The following COL4A6 variants were observed in gnomAD, a reference collection of about 807,000 sequenced individuals.
COL4A6 encodes collagen alpha-6(IV) chain.
Under a neutral mutation model 126.7 loss-of-function variants are expected in COL4A6, and 59 were observed. That is an observed-to-expected ratio of 0.47 (90% confidence interval 0.38 to 0.58). COL4A6 has a LOEUF of 0.58. Ranked by LOEUF, COL4A6 falls within the 20% of genes least tolerant of loss-of-function variation. The probability of loss-of-function intolerance (pLI) is 0.00; values close to 1 mark genes in which losing one functional copy is unlikely to be tolerated. For missense variants in COL4A6, 1,285 were observed against 1,337.3 expected, an observed-to-expected ratio of 0.96 and a Z score of 0.61; for synonymous variants, 547 against 496.6, an observed-to-expected ratio of 1.10 and a Z score of -1.35.
intron 3 of COL4A6, among the ~76,000 whole-genome samples, chrX:108,308,913 A>G (rs1360635073): frequency 8.9e-6 from 1 of 111,856 alleles, no homozygotes; most frequent in African/African-American, 3.3e-5. Flanking sequence ...TTTTACAAAT[A>G]GCAAAAATTT....
chrX:108,197,508 G>A (rs949140534), intron 13 of COL4A6, among the ~76,000 whole-genome samples: 2 of 112,207 alleles, frequency 1.8e-5, no homozygotes, highest in African/African-American at 6.5e-5. Context: ...TATTATGAAA[G>A]TAAAGGAGGC....
At chrX:108,330,193 T>C (rs978860480) in intron 2 of COL4A6, among the ~76,000 whole-genome samples, 2 of 110,667 alleles carry the variant, frequency 1.8e-5, no homozygotes, top group African/African-American at 6.6e-5. Flanking sequence ...GCAGAGAAAG[T>C]AGGGCTCAAA....
intron 3 of COL4A6, among the ~76,000 whole-genome samples, chrX:108,248,687 G>A (rs1398207477): frequency 9.0e-6 from 1 of 110,868 alleles, no homozygotes; most frequent in African/African-American, 3.3e-5. Context: ...CTCATTAAAA[G>A]AAGACATAAC....
intron 2 of COL4A6, among the ~76,000 whole-genome samples, chrX:108,426,295 T>C (rs1333111150): frequency 1.8e-5 from 2 of 111,997 alleles, no homozygotes; most frequent in African/African-American, 6.5e-5. Flanking sequence ...CAATTCAGCC[T>C]CAGAGCCAGA....
At chrX:108,317,443 C>T (rs905141976) in intron 2 of COL4A6, among the ~76,000 whole-genome samples, 1 of 112,193 alleles carries the variant, frequency 8.9e-6, no homozygotes, top group African/African-American at 3.2e-5. Context: ...GACTTGACTA[C>T]GTTGTGGTAA....
At chrX:108,225,387 A>G (rs957072020) in intron 3 of COL4A6, among the ~76,000 whole-genome samples, 4 of 113,090 alleles carry the variant, frequency 3.5e-5, no homozygotes, top group African/African-American at 1.3e-4. Context: ...CTGTTCTGAT[A>G]CATGTCATTT....
At chrX:108,229,872 G>T (rs1427519165) in intron 3 of COL4A6, among the ~76,000 whole-genome samples, 3 of 111,950 alleles carry the variant, frequency 2.7e-5, no homozygotes, top group Admixed American at 9.5e-5. Flanking sequence ...GAGAAATAAT[G>T]GTGACATGGA....
intron 26 of COL4A6, 55 bp downstream of exon 26, chrX:108,179,162 G>A (rs1451864558): frequency 1.4e-5 from 15 of 1,067,546 alleles, no homozygotes; most frequent in East Asian, 6.1e-5. Flanking sequence ...GGAAGTATAC[G>A]AATTAATATA....
intron 3 of COL4A6, among the ~76,000 whole-genome samples, chrX:108,237,886 C>CTATG (rs1451839446): frequency 1.9e-5 from 2 of 107,020 alleles, no homozygotes; most frequent in Non-Finnish European, 3.8e-5. Context: ...ATCTATCTAT[C>CTATG]TATCTATCTA....
At chrX:108,322,160 TACACACACACGGGC>T (rs2039046586) in intron 2 of COL4A6, among the ~76,000 whole-genome samples, 1 of 110,965 alleles carries the variant, frequency 9.0e-6, no homozygotes, top group South Asian at 3.8e-4. Flanking sequence ...AATGTGAACA[TACACACACACGGGC>T]ACACACACAC....
chrX:108,199,536 G>A (rs1293385203), intron 13 of COL4A6, among the ~76,000 whole-genome samples: 1 of 111,398 alleles, frequency 9.0e-6, no homozygotes, highest in African/African-American at 3.3e-5. Flanking sequence ...CCATGTAAAG[G>A]GGTTATTTTC....
intron 23 of COL4A6, among the ~76,000 whole-genome samples, chrX:108,182,480 G>A (rs764359884): frequency 8.9e-6 from 1 of 112,060 alleles, no homozygotes; most frequent in African/African-American, 3.2e-5. Flanking sequence ...ATCCTCCTCC[G>A]TAGGTGGTCA....
chrX:108,394,368 T>A (rs1454254063), intron 2 of COL4A6, among the ~76,000 whole-genome samples: 1 of 110,164 alleles, frequency 9.1e-6, no homozygotes, highest in Admixed American at 9.7e-5. Context: ...GGCACATGTA[T>A]ACCTATGTAA....
At chrX:108,212,279 T>C (rs976949521) in intron 6 of COL4A6, among the ~76,000 whole-genome samples, 2 of 110,583 alleles carry the variant, frequency 1.8e-5, no homozygotes, top group African/African-American at 6.6e-5. Flanking sequence ...TGGTCCAGTT[T>C]GTAGACCTCT....
At position 108,325,748 on chromosome X, in the gene COL4A6, T is replaced by C. The variant is rs145814267; in HGVS notation, c.64-14920A>G. 6.0e-3 allele frequency among the ~76,000 whole-genome samples: 665 copies of C among 109,919 alleles called. 2 individuals are homozygous for C. The highest frequency in any genetic ancestry group is 0.037 in the East Asian group (128 of 3,502). ...CAAGTTCAGTTTATTCCAGGAATGGTAGTTCGGTTTAACATCTAAAAATTA... is the reference window on the plus strand; with the variant it reads ...CAAGTTCAGTTTATTCCAGGAATGGCAGTTCGGTTTAACATCTAAAAATTA... On this transcript the variant is annotated intron_variant, in intron 2 of 44. Coordinates refer to ENST00000334504, the MANE Select transcript of COL4A6 (RefSeq NM_033641.4).
intron 24 of COL4A6, 24 bp downstream of exon 24, chrX:108,180,873 G>T (rs777045027): frequency 1.7e-6 from 2 of 1,189,769 alleles, no homozygotes; most frequent in South Asian, 3.6e-5. Context: ...GTGTTTAGTG[G>T]CTTTCTCTGG....
intron 18 of COL4A6, among the ~76,000 whole-genome samples, chrX:108,191,855 G>A (rs1334800132): frequency 9.0e-6 from 1 of 111,281 alleles, no homozygotes; most frequent in African/African-American, 3.3e-5. Flanking sequence ...ATTTCCAGGT[G>A]GCTGCTTTAA....
chrX:108,374,168 A>T (rs2040386487), intron 2 of COL4A6, among the ~76,000 whole-genome samples: 1 of 112,340 alleles, frequency 8.9e-6, no homozygotes, highest in Non-Finnish European at 1.9e-5. Context: ...TGTTTTCAAG[A>T]GTGTATGCTA....
intron 2 of COL4A6, among the ~76,000 whole-genome samples, chrX:108,332,666 T>C (rs752646013): frequency 8.9e-6 from 1 of 111,942 alleles, no homozygotes; most frequent in Non-Finnish European, 1.9e-5. Flanking sequence ...AAATCATTTG[T>C]TCATGTCCTT....
Sources: allele counts gnomAD v4.1 joint callset (sites outside exome capture counted in the v4.1 genomes callset), GRCh38; gene constraint gnomAD v4.1.1; transcripts MANE v1.5; gene names NCBI Gene and HGNC (gene_info 2026-07-23, HGNC 2026-07-21).